Variants in TG observed in about 807,000 individuals in gnomAD.
TG encodes thyroid hormones.
Under a neutral mutation model 324.7 loss-of-function variants are expected in TG, and 270 were observed. The observed-to-expected ratio is 0.83, with a 90% CI of 0.75 to 0.92. TG has a LOEUF of 0.92. Ranked by LOEUF, TG falls within the 40% of genes least tolerant of loss-of-function variation. TG has a pLI of 0.00. For synonymous variants in TG, 1,401 were observed against 1,327.0 expected, an observed-to-expected ratio of 1.06 and a Z score of -1.21; for missense variants, 3,591 against 3,456.4, an observed-to-expected ratio of 1.04 and a Z score of -0.98.
chr8:133,118,375 A>T (rs1190282796), intron 45 of TG, among the ~76,000 whole-genome samples: 1 of 132,300 alleles, frequency 7.6e-6, no homozygotes, highest in African/African-American at 2.9e-5. Flanking sequence ...CCCAGGCTGC[A>T]GTCCAGTGGT....
chr8:132,995,037 T>G (rs563080215), intron 35 of TG: 2 of 961,672 alleles, frequency 2.1e-6, no homozygotes, highest in East Asian at 1.2e-4. Flanking sequence ...ATTTTTTCCC[T>G]TCTGCTTTTG....
At chr8:132,880,920 C>A (rs1214686054) in intron 5 of TG, among the ~76,000 whole-genome samples, 1 of 152,162 alleles carries the variant, frequency 6.6e-6, no homozygotes, top group East Asian at 1.9e-4. Flanking sequence ...CATTAAGGTT[C>A]TTTTCAATAT....
chr8:132,932,809 G>A (rs1295903291), intron 23 of TG, among the ~76,000 whole-genome samples: 1 of 152,182 alleles, frequency 6.6e-6, no homozygotes, highest in Non-Finnish European at 1.5e-5. Context: ...CCCTTGCAGG[G>A]CTGCTGTCTG....
In TG at chr8:132,886,606, A is replaced by T; in HGVS notation, c.1234A>T (p.Ile412Phe). The T allele has an allele frequency of 5.0e-6, 8 of 1,614,128 alleles. No individual in the cohort carries two copies. Among genetic ancestry groups the T allele is most frequent in the Non-Finnish European group, 6.8e-6 (8 of 1,180,028 alleles). The change falls in exon 9 of 48, where the codon ATC becomes TTC. Residue 412 changes from isoleucine to phenylalanine, a missense_variant. Physicochemically the swap from Ile to Phe is conservative, Grantham distance 21. Coordinates refer to ENST00000220616, the MANE Select transcript of TG (RefSeq NM_003235.5). ...ATTTGCCACATCCTGCCCACCCACG[A>T]TCAAGGAGCTCTTTGTGGACTCTGG... ...ARFATSCPPT[I>F]KELFVDSGLL...
At chr8:132,875,861 T>G (rs544396909) in intron 5 of TG, among the ~76,000 whole-genome samples, 1 of 152,280 alleles carries the variant, frequency 6.6e-6, no homozygotes, top group East Asian at 1.9e-4. Context: ...GATACTTAAG[T>G]AGACCTGGGT....
intron 41 of TG, among the ~76,000 whole-genome samples, chr8:133,055,367 A>G (rs1427842589): frequency 3.8e-5 from 1 of 26,322 alleles, no homozygotes; most frequent in East Asian, 7.2e-4. Context: ...GCACGCGCGC[A>G]CACACACACA....
rs780979504 is a variant in TG at position 132,971,811 on chromosome 8, G to A, written c.5993G>A (p.Arg1998Gln). The A allele has an allele frequency of 5.0e-6, 8 of 1,613,552 alleles. No homozygotes were observed. The highest frequency in any genetic ancestry group is 1.7e-4 in the Middle Eastern group (1 of 6,060). The change falls in exon 33 of 48, where the codon CGA (arginine) becomes CAA (glutamine). Residue 1998 changes from arginine (R) to glutamine (Q), a missense_variant. Transcript: ENST00000220616. ...SISNGFFECE[R>Q]RCDADPCCTG... Reference sequence around the variant, plus strand: ...TATGCCAGGTTCTTTGAATGTGAACGACGGTGCGATGCGGACCCATGCTGC... The same window carrying A: ...TATGCCAGGTTCTTTGAATGTGAACAACGGTGCGATGCGGACCCATGCTGC...
chr8:133,036,550 C>G (rs926194792), intron 41 of TG, among the ~76,000 whole-genome samples: 1 of 152,134 alleles, frequency 6.6e-6, no homozygotes, highest in Non-Finnish European at 1.5e-5. Context: ...CAGAGTCATA[C>G]AATCTGCTTT....
chr8:133,083,589 G>A (rs1452535007), intron 41 of TG, among the ~76,000 whole-genome samples: 1 of 152,184 alleles, frequency 6.6e-6, no homozygotes, highest in Non-Finnish European at 1.5e-5. Context: ...TACAGATGAG[G>A]AAATGGAGAC....
At chr8:133,133,731 G>T in intron 47 of TG, 71 bp downstream of exon 47, 1 of 1,539,752 alleles carries the variant, frequency 6.5e-7, no homozygotes, top group East Asian at 2.4e-5. Flanking sequence ...CGCTGCATGA[G>T]ACCTGTGCTG....
Position 132,873,088 on chromosome 8 carries a change from C to A in TG, c.505C>A (p.Arg169Ser). The stretch of plus-strand genomic sequence containing the variant: ...TCCAAGGAGCTGTGAAATAAGAAAT[C>A]GTCGTCTTCTCCACGGGGTGGGAGA... ...RCPRSCEIRN[R>S]RLLHGVGDKS... Residue 169 changes from arginine to serine, a missense_variant, in exon 5 of 48, where the codon CGT (arginine) becomes AGT (serine). By Grantham distance (110) the Arg-to-Ser change is moderately radical. Coordinates refer to ENST00000220616, the MANE Select transcript of TG (RefSeq NM_003235.5). 3 of 1,614,086 alleles carry A rather than the reference C, an allele frequency of 1.9e-6. No individual in the cohort carries two copies. Among genetic ancestry groups the A allele is most frequent in the Non-Finnish European group, 1.7e-6 (2 of 1,180,018 alleles).
intron 26 of TG, among the ~76,000 whole-genome samples, chr8:132,947,261 C>T (rs561165426): frequency 7.9e-5 from 12 of 152,270 alleles, no homozygotes; most frequent in Admixed American, 4.6e-4. Flanking sequence ...AAATGCACCC[C>T]GCCCCATACA....
chr8:133,080,114 A>T (rs896281751), intron 41 of TG, among the ~76,000 whole-genome samples: 3 of 152,182 alleles, frequency 2.0e-5, no homozygotes, highest in Admixed American at 6.5e-5. Flanking sequence ...TAGAAAGGTG[A>T]CATTTGAAAT....
chr8:132,945,273 G>A (rs1451015049), intron 26 of TG, among the ~76,000 whole-genome samples: 1 of 152,066 alleles, frequency 6.6e-6, no homozygotes, highest in Non-Finnish European at 1.5e-5. Context: ...TGGAGAGGGG[G>A]AATAGAAGAC....
intron 41 of TG, among the ~76,000 whole-genome samples, chr8:133,088,562 G>GA (rs1288712743): frequency 1.1e-4 from 16 of 152,194 alleles, no homozygotes; most frequent in African/African-American, 3.6e-4. Context: ...GATCATGAGA[G>GA]AAAATGTGAA....
At chr8:132,964,782 A>T (rs1223731142) in intron 29 of TG, 11 of 638,486 alleles carry the variant, frequency 1.7e-5, no homozygotes, top group Admixed American at 7.5e-5. Context: ...TGAGAATTCC[A>T]TGTGCCAGCC....
intron 34 of TG, among the ~76,000 whole-genome samples, chr8:132,980,935 AT>A (rs1314919045): frequency 6.0e-5 from 8 of 133,464 alleles, no homozygotes; most frequent in Non-Finnish European, 1.3e-4. Flanking sequence ...ATTAAATGAG[AT>A]AACTGCATGC....
At chr8:133,018,055 A>T (rs1279166848) in intron 38 of TG, 58 bp downstream of exon 38, 2 of 1,534,692 alleles carry the variant, frequency 1.3e-6, no homozygotes, top group Admixed American at 1.8e-5. Context: ...CTCCATTCTA[A>T]TCTATCCAAA....
In TG at chr8:133,107,982, C is replaced by CTTTTCCTCTTTTTTT. The variant is rs1554725841; in HGVS notation, c.7573-5436_7573-5435insCCTCTTTTTTTTTTT. 1.5e-5 allele frequency among the ~76,000 whole-genome samples: 2 copies of CTTTTCCTCTTTTTTT among 134,122 alleles called. 1 individual carries two copies. The highest frequency in any genetic ancestry group is 5.7e-5 in the African/African-American group (2 of 35,276). 88.0% of individuals were successfully genotyped at this position (134,122 alleles called of 152,430 possible). A position where few individuals can be genotyped will look rare whatever the true frequency, so the allele number is the denominator to read the frequency against. On this transcript the variant is annotated intron_variant, in intron 43 of 47. Coordinates refer to ENST00000220616, the MANE Select transcript of TG (RefSeq NM_003235.5). ...CCAGTCCTTTTTCTTTTCTTTTCTT[C>CTTTTCCTCTTTTTTT]TTTTTTTTTTTTTTTTTTTGAGACA... is the stretch of plus-strand genomic sequence containing the variant.
Sources: allele counts gnomAD v4.1 joint callset (sites outside exome capture counted in the v4.1 genomes callset), GRCh38; gene constraint gnomAD v4.1.1; transcripts MANE v1.5; gene names NCBI Gene and HGNC (gene_info 2026-07-23, HGNC 2026-07-21).